PSD3: variants seen among roughly 807,000 people sequenced by gnomAD.
PSD3 encodes the protein pleckstrin and Sec7 domain containing 3.
PSD3 carries 49 observed loss-of-function variants against 105.5 expected under a neutral mutation model. The ratio of observed to expected loss-of-function variants is 0.46; its 90% CI spans 0.37 to 0.59. PSD3 has a LOEUF of 0.59. Ranked by LOEUF, PSD3 falls within the 20% of genes least tolerant of loss-of-function variation. The pLI is 0.00. For missense variants in PSD3, 1,561 were observed against 1,263.8 expected, an observed-to-expected ratio of 1.24 and a Z score of -3.57; for synonymous variants, 557 against 457.8, an observed-to-expected ratio of 1.22 and a Z score of -2.77.
At chr8:18,791,296 G>A (rs1383822547) in intron 8 of PSD3, among the ~76,000 whole-genome samples, 1 of 152,246 alleles carries the variant, frequency 6.6e-6, no homozygotes, top group African/African-American at 2.4e-5. Flanking sequence ...AAAGAGGCAA[G>A]CTGGAGGCAT....
chr8:19,051,331 C>T (rs1348569347), intron 1 of PSD3, among the ~76,000 whole-genome samples: 1 of 152,184 alleles, frequency 6.6e-6, no homozygotes, highest in Non-Finnish European at 1.5e-5. Flanking sequence ...GATCAGACTA[C>T]ACTCTCTGTT....
chr8:19,059,778 G>T (rs949047881), intron 1 of PSD3, among the ~76,000 whole-genome samples: 5 of 152,236 alleles, frequency 3.3e-5, no homozygotes, highest in African/African-American at 7.2e-5. Context: ...GAAAGTTCAT[G>T]GCCTTTCTCT....
chr8:18,961,284 T>TA (rs1342853179), intron 1 of PSD3, among the ~76,000 whole-genome samples: 1 of 152,160 alleles, frequency 6.6e-6, no homozygotes, highest in East Asian at 1.9e-4. Flanking sequence ...ACTCAATACT[T>TA]ACGAGTCCAC....
chr8:18,767,945 T>A (rs944621399), intron 8 of PSD3, among the ~76,000 whole-genome samples: 1 of 151,504 alleles, frequency 6.6e-6, no homozygotes, highest in Non-Finnish European at 1.5e-5. Flanking sequence ...GTATTCAAAA[T>A]GAGAAAGCAG....
At chr8:19,078,576 T>C (rs1280031652) in intron 1 of PSD3, among the ~76,000 whole-genome samples, 1 of 152,008 alleles carries the variant, frequency 6.6e-6, no homozygotes, top group African/African-American at 2.4e-5. Flanking sequence ...CATCAACCTT[T>C]ATGAGTTGTC....
Position 18,804,716 on chromosome 8 carries a change from T to C in PSD3, c.1817A>G (p.His606Arg). Reference protein sequence around the residue: ...DRFKRSDVAKHLGKNNEFSKL... With the variant: ...DRFKRSDVAKRLGKNNEFSKL... ...GGTCAGAACGTACTTCTTGCCAAGG[T>C]GTTTTGCAACATCTGATCTTTTGAA... Residue 606 changes from histidine (H) to arginine (R), a missense_variant, in exon 5 of 16, where the codon CAC becomes CGC. By Grantham distance (29) the His-to-Arg change is conservative. Transcript: ENST00000327040. The C allele has an allele frequency of 6.2e-7, 1 of 1,613,868 alleles. No individual in the cohort carries two copies. Among genetic ancestry groups the C allele is most frequent in the South Asian group, 1.1e-5 (1 of 90,978 alleles).
At chr8:18,989,020 A>G (rs1461341631) in intron 1 of PSD3, among the ~76,000 whole-genome samples, 2 of 152,206 alleles carry the variant, frequency 1.3e-5, no homozygotes, top group Non-Finnish European at 2.9e-5. Context: ...CCAGGTAAAG[A>G]TAAATTGGGT....
At chr8:18,696,025 T>C (rs1801238409) in intron 9 of PSD3, among the ~76,000 whole-genome samples, 1 of 152,162 alleles carries the variant, frequency 6.6e-6, no homozygotes, top group South Asian at 2.1e-4. Context: ...ACATCCAGCG[T>C]CACCTGGCAG....
chr8:19,004,402 G>T (rs1242217162), intron 1 of PSD3, among the ~76,000 whole-genome samples: 1 of 152,018 alleles, frequency 6.6e-6, no homozygotes, highest in Non-Finnish European at 1.5e-5. Flanking sequence ...TGGAAAATAC[G>T]TGAGGGCCTA....
At chr8:18,629,647 G>A (rs1320451245) in intron 11 of PSD3, among the ~76,000 whole-genome samples, 2 of 151,884 alleles carry the variant, frequency 1.3e-5, no homozygotes, top group Non-Finnish European at 2.9e-5. Context: ...TTTAGAAAAG[G>A]CAAAAGTATA....
intron 9 of PSD3, among the ~76,000 whole-genome samples, chr8:18,744,967 GGCT>G (rs904707442): frequency 2.6e-5 from 4 of 152,128 alleles, no homozygotes; most frequent in African/African-American, 9.7e-5. Context: ...ATTTGGGTTT[GGCT>G]GCTGTTTTCT....
At chr8:18,589,754 C>G (rs13259983) in intron 12 of PSD3, among the ~76,000 whole-genome samples, 6 of 152,074 alleles carry the variant, frequency 3.9e-5, no homozygotes, top group Admixed American at 3.9e-4. Context: ...GGCGAGGAGG[C>G]GAGGGCTTCT....
At chr8:18,692,994 C>A (rs1801056420) in intron 9 of PSD3, among the ~76,000 whole-genome samples, 1 of 152,156 alleles carries the variant, frequency 6.6e-6, no homozygotes, top group African/African-American at 2.4e-5. Flanking sequence ...CTAGCTCAAC[C>A]TCAAGTAAAT....
intron 9 of PSD3, among the ~76,000 whole-genome samples, chr8:18,711,809 C>T (rs969531979): frequency 1.3e-4 from 20 of 152,116 alleles, no homozygotes; most frequent in Admixed American, 9.8e-4. Flanking sequence ...CCTTCCACCC[C>T]GAAACAACAG....
At chr8:18,771,273 G>GTGCA (rs200650283) in intron 8 of PSD3, among the ~76,000 whole-genome samples, 2,168 of 152,278 alleles carry the variant, frequency 0.014, 47 homozygotes, top group African/African-American at 0.049. Flanking sequence ...CAGCTTGAGG[G>GTGCA]TGCAGCCCTC....
chr8:18,780,349 T>C (rs200682948), intron 8 of PSD3, among the ~76,000 whole-genome samples: 1 of 84 alleles, frequency 0.012, no homozygotes. Flanking sequence ...AGTTAAGTCA[T>C]TTTTTTTTTG....
chr8:18,684,422 A>G (rs1373672370), intron 9 of PSD3, among the ~76,000 whole-genome samples: 1 of 152,202 alleles, frequency 6.6e-6, no homozygotes, highest in Non-Finnish European at 1.5e-5. Flanking sequence ...CCAAGGCACC[A>G]TGTGGGGTGG....
intron 11 of PSD3, among the ~76,000 whole-genome samples, chr8:18,620,367 G>A (rs1806026858): frequency 1.6e-5 from 2 of 121,448 alleles, no homozygotes; most frequent in Non-Finnish European, 3.4e-5. Context: ...TTTTCCCCAG[G>A]CTGTGGTCAC....
At chr8:18,645,753 G>C (rs1311151634) in intron 10 of PSD3, among the ~76,000 whole-genome samples, 2 of 152,150 alleles carry the variant, frequency 1.3e-5, no homozygotes, top group African/African-American at 2.4e-5. Flanking sequence ...TGAGTATCTA[G>C]AAAAGTCATT....
Sources: allele counts gnomAD v4.1 joint callset (sites outside exome capture counted in the v4.1 genomes callset), GRCh38; gene constraint gnomAD v4.1.1; transcripts MANE v1.5; gene names NCBI Gene and HGNC (gene_info 2026-07-23, HGNC 2026-07-21).